Variants in DTNA observed in about 807,000 individuals in gnomAD.
DTNA encodes dystrobrevin alpha, also known as dystrophin-related protein 3.
In DTNA, 43 loss-of-function variants were observed where a neutral mutation model predicts 100.7. The ratio of observed to expected loss-of-function variants is 0.43; its 90% CI spans 0.33 to 0.55. DTNA has a LOEUF of 0.55. Among genes scored for constraint, DTNA ranks in the 20% least tolerant of loss-of-function variants. The pLI is 0.04. For missense variants in DTNA, 798 were observed against 953.9 expected (o/e 0.84, Z 2.15); for synonymous variants, 349 against 347.9 (o/e 1.00, Z -0.04).
rs373200754 is a variant in DTNA at position 34,580,975 on chromosome 18, G to T, written c.-2+87461G>T. Among the ~76,000 whole-genome samples, 51 of 152,322 alleles carry T rather than the reference G, an allele frequency of 3.3e-4. No homozygotes were observed. In the East Asian group the frequency reaches 7.5e-3, roughly 23 times the overall value. On this transcript the variant is annotated intron_variant, in intron 1 of 19. Transcript: ENST00000283365. ...TGAAAGTGTGTTAAGGCTGGGCGCG[G>T]TGGCTCACGCCTGTAATCCCAGCAC...
At chr18:34,729,029 A>G (rs919582337) in intron 1 of DTNA, among the ~76,000 whole-genome samples, 2 of 152,122 alleles carry the variant, frequency 1.3e-5, no homozygotes, top group Non-Finnish European at 2.9e-5. Flanking sequence ...CCCCACCACA[A>G]TTACCTGGAA....
Position 34,622,640 on chromosome 18 carries a change from C to A in DTNA, c.-2+129126C>A, listed in dbSNP as rs182999956. 6.6e-5 allele frequency among the ~76,000 whole-genome samples: 10 copies of A among 152,294 alleles called. No homozygotes were observed. In the East Asian group the frequency reaches 1.9e-3, roughly 29 times the overall value. ...AGCCCAGAGAGAACCAAAACAGAGA[C>A]AAGGTGAATATGTTATGTATCTGCT... On this transcript the variant is annotated intron_variant, in intron 1 of 19. Transcript: ENST00000283365.
At chr18:34,849,953 A>G (rs1161989653) in intron 14 of DTNA, among the ~76,000 whole-genome samples, 1 of 152,222 alleles carries the variant, frequency 6.6e-6, no homozygotes, top group Admixed American at 6.5e-5. Context: ...TATTATTTAT[A>G]TGTGTACTAA....
At chr18:34,542,342 A>G (rs1012740306) in intron 1 of DTNA, among the ~76,000 whole-genome samples, 2 of 152,044 alleles carry the variant, frequency 1.3e-5, no homozygotes, top group Non-Finnish European at 2.9e-5. Context: ...TTATATTGTT[A>G]ATATTTCCTA....
intron 1 of DTNA, among the ~76,000 whole-genome samples, chr18:34,691,368 T>C (rs1340758726): frequency 1.3e-5 from 2 of 152,214 alleles, no homozygotes; most frequent in Non-Finnish European, 2.9e-5. Context: ...GGATGTGTAA[T>C]TTTGAGCAAG....
intron 3 of DTNA, among the ~76,000 whole-genome samples, chr18:34,772,284 A>G (rs2093814260): frequency 6.6e-6 from 1 of 152,188 alleles, no homozygotes. Flanking sequence ...CTCTTTTTCT[A>G]GTAATTGAAA....
intron 11 of DTNA, among the ~76,000 whole-genome samples, chr18:34,837,466 G>A (rs941183291): frequency 1.8e-4 from 27 of 152,124 alleles, no homozygotes; most frequent in Non-Finnish European, 4.4e-5. Flanking sequence ...AATCCATAAT[G>A]TTAAGAATTT....
intron 3 of DTNA, among the ~76,000 whole-genome samples, chr18:34,783,219 T>C (rs1201758757): frequency 6.6e-6 from 1 of 152,208 alleles, no homozygotes; most frequent in East Asian, 1.9e-4. Flanking sequence ...TTTTTAGATT[T>C]AATTTATAGT....
chr18:34,743,621 G>A (rs1481377577), intron 1 of DTNA, among the ~76,000 whole-genome samples: 1 of 152,084 alleles, frequency 6.6e-6, no homozygotes, highest in African/African-American at 2.4e-5. Context: ...CATTGTAAAT[G>A]CATGTTTATT....
At chr18:34,713,857 C>T (rs868192787) in intron 1 of DTNA, among the ~76,000 whole-genome samples, 2,096 of 151,736 alleles carry the variant, frequency 0.014, 37 homozygotes, top group African/African-American at 0.045. Flanking sequence ...AGTTGGATTC[C>T]TAGGTATTTT....
intron 1 of DTNA, among the ~76,000 whole-genome samples, chr18:34,497,465 A>C (rs1032312451): frequency 6.6e-6 from 1 of 152,226 alleles, no homozygotes; most frequent in Non-Finnish European, 1.5e-5. Context: ...GCATATCATT[A>C]TCTCCATTTT....
chr18:34,756,022 A>G lies in DTNA; in HGVS notation c.46A>G (p.Arg16Gly), dbSNP rs1449230110. The change falls in exon 2 of 23, where the codon AGA becomes GGA. Residue 16 changes from arginine to glycine, a missense_variant. Arg to Gly is a moderately radical substitution (Grantham distance 125). Around this residue, in one of 6 missense-constraint regions of DTNA, gnomAD observed 197 missense variants for 215.4 expected, o/e 0.91. Transcript: ENST00000444659. ...GKRGNTMAER[R>G]QLFAEMRAQD... ...AAGAGGAAATACCATGGCAGAAAGA[A>G]GACAGCTGTTTGCAGAGATGAGTAA... The G allele has an allele frequency of 6.2e-7, 1 of 1,613,418 alleles. No individual in the cohort carries two copies. Among genetic ancestry groups the G allele is most frequent in the Admixed American group, 1.7e-5 (1 of 60,010 alleles).
chr18:34,714,957 A>T (rs1393857742), intron 1 of DTNA, among the ~76,000 whole-genome samples: 1 of 151,944 alleles, frequency 6.6e-6, no homozygotes, highest in Non-Finnish European at 1.5e-5. Context: ...TATCGCAAGA[A>T]CAAAAAACCA....
At chr18:34,804,442 G>A (rs1259397498) in intron 4 of DTNA, among the ~76,000 whole-genome samples, 1 of 152,184 alleles carries the variant, frequency 6.6e-6, no homozygotes, top group Admixed American at 6.5e-5. Flanking sequence ...TAAAGCAAGA[G>A]CTGATGGAAG....
At chr18:34,499,998 C>T (rs1156874378) in intron 1 of DTNA, among the ~76,000 whole-genome samples, 1 of 152,046 alleles carries the variant, frequency 6.6e-6, no homozygotes, top group Non-Finnish European at 1.5e-5. Flanking sequence ...TGATTCCTCC[C>T]ACTTTGTTTT....
intron 1 of DTNA, among the ~76,000 whole-genome samples, chr18:34,637,461 T>A (rs957183918): frequency 2.0e-5 from 3 of 152,206 alleles, no homozygotes; most frequent in African/African-American, 7.2e-5. Context: ...AGAATATATA[T>A]AAATGAGTGA....
chr18:34,545,108 A>G (rs1601686361), intron 1 of DTNA, among the ~76,000 whole-genome samples: 1 of 152,086 alleles, frequency 6.6e-6, no homozygotes, highest in East Asian at 1.9e-4. Flanking sequence ...TTGGCAAGCT[A>G]CCAAATTTCA....
intron 17 of DTNA, among the ~76,000 whole-genome samples, chr18:34,872,654 G>C (rs907116276): frequency 6.6e-6 from 1 of 152,112 alleles, no homozygotes; most frequent in African/African-American, 2.4e-5. Flanking sequence ...ACAGTCCAAG[G>C]CCCTCCCATC....
Position 34,878,566 on chromosome 18 carries a change from G to A in DTNA, c.1993+758G>A, listed in dbSNP as rs138799764. 2.3e-3 allele frequency among the ~76,000 whole-genome samples: 355 copies of A among 152,144 alleles called. 1 individual carries two copies. Among genetic ancestry groups the A allele is most frequent in the Non-Finnish European group, 3.9e-3 (265 of 67,990 alleles). ...AACAGTCCTCCTGCTTCAGCCTCCC[G>A]AAGTGCTGGGATTCCCAGCCCTTAT... On this transcript the variant is annotated intron_variant, in intron 19 of 22. Transcript: ENST00000444659.
Sources: allele counts gnomAD v4.1 joint callset (sites outside exome capture counted in the v4.1 genomes callset), GRCh38; gene constraint gnomAD v4.1.1; regional missense constraint gnomAD v4.1.1; transcripts MANE v1.5; gene names NCBI Gene and HGNC (gene_info 2026-07-23, HGNC 2026-07-21).